The following PASD1 variants were observed in gnomAD, a reference collection of about 807,000 sequenced individuals.
PASD1 encodes circadian clock protein PASD1.
A neutral mutation model predicts 58.8 loss-of-function variants in PASD1; 13 were observed. The ratio of observed to expected loss-of-function variants is 0.22; its 90% CI spans 0.14 to 0.35. The LOEUF is 0.35. Ranked by LOEUF, PASD1 falls within the 10% of genes least tolerant of loss-of-function variation. The pLI, the probability that PASD1 is intolerant of heterozygous loss-of-function variation, is 1.00. For missense variants in PASD1, 734 were observed against 568.3 expected (o/e 1.29, Z -2.96); for synonymous variants, 236 against 216.7 (o/e 1.09, Z -0.78).
chrX:151,612,167 C>T (rs1011851796), intron 4 of PASD1, among the ~76,000 whole-genome samples: 1 of 82,452 alleles, frequency 1.2e-5, no homozygotes, highest in Non-Finnish European at 2.4e-5. Flanking sequence ...TTTATGGCTG[C>T]ATAGTATTCC....
chrX:151,656,741 G>A (rs1297190344), intron 9 of PASD1, among the ~76,000 whole-genome samples: 1 of 111,913 alleles, frequency 8.9e-6, no homozygotes, highest in Non-Finnish European at 1.9e-5. Flanking sequence ...TTGCTTATCA[G>A]CTTAAGGACA....
intron 1 of PASD1, among the ~76,000 whole-genome samples, chrX:151,594,433 G>T (rs1317051497): frequency 4.5e-5 from 5 of 110,478 alleles, no homozygotes; most frequent in Admixed American, 9.7e-5. Flanking sequence ...TCTCTTTTTT[G>T]ATTTATAATC....
Position 151,676,473 on chromosome X carries a change from T to C in PASD1, c.*330T>C, listed in dbSNP as rs2014547919. ...GGAAGGTGGCCTGCCAAGAGTCTGC[T>C]CAAAGTTTTCAACATAAAGAATAAA... On this transcript the variant is annotated 3_prime_UTR_variant, in exon 16 of 16. Transcript: ENST00000370357. The C allele has an allele frequency of 9.9e-6, 2 of 201,200 alleles. No homozygotes were observed. The highest frequency in any genetic ancestry group is 1.7e-4 in the East Asian group (2 of 11,977). The allele number at this position is 201,200 out of a possible 1,213,427, so 16.6% of individuals were successfully genotyped here. A position where few individuals can be genotyped will look rare whatever the true frequency, so the allele number is the denominator to read the frequency against.
intron 8 of PASD1, among the ~76,000 whole-genome samples, chrX:151,636,693 C>G (rs773620656): frequency 8.9e-6 from 1 of 111,946 alleles, no homozygotes; most frequent in Non-Finnish European, 1.9e-5. Context: ...CATGAGCCAC[C>G]GTGCCCAGCC....
At chrX:151,667,905 C>A (rs183866950) in intron 11 of PASD1, among the ~76,000 whole-genome samples, 2 of 111,491 alleles carry the variant, frequency 1.8e-5, no homozygotes, top group East Asian at 5.6e-4. Context: ...TAGTTTTTTC[C>A]GATTCTGTGA....
At chrX:151,570,127 G>A (rs1024743214) in intron 1 of PASD1, among the ~76,000 whole-genome samples, 2 of 111,323 alleles carry the variant, frequency 1.8e-5, no homozygotes, top group Non-Finnish European at 3.8e-5. Flanking sequence ...GGATTCAGGA[G>A]AACTGGGGGT....
At chrX:151,630,770 A>G (rs1408865854) in intron 8 of PASD1, among the ~76,000 whole-genome samples, 4 of 112,846 alleles carry the variant, frequency 3.5e-5, no homozygotes, top group Non-Finnish European at 5.6e-5. Context: ...GGAAACACAA[A>G]GGTGGGAATT....
intron 4 of PASD1, among the ~76,000 whole-genome samples, chrX:151,619,073 C>A (rs957387157): frequency 9.0e-6 from 1 of 110,897 alleles, no homozygotes; most frequent in African/African-American, 3.3e-5. Flanking sequence ...AGAATAGATG[C>A]AGGGAGAGCA....
intron 4 of PASD1, among the ~76,000 whole-genome samples, chrX:151,620,528 G>T (rs999032250): frequency 3.6e-5 from 4 of 110,647 alleles, no homozygotes; most frequent in African/African-American, 1.3e-4. Context: ...AAAAAGAGTA[G>T]GGGAGCAAAT....
At chrX:151,600,013 G>A (rs753046027) in intron 1 of PASD1, among the ~76,000 whole-genome samples, 5 of 112,317 alleles carry the variant, frequency 4.5e-5, no homozygotes, top group Admixed American at 9.3e-5. Context: ...TTGCAATCCC[G>A]GCACCTCGGG....
chrX:151,672,501 T>C lies in PASD1; in HGVS notation c.1756T>C (p.Cys586Arg). 8.3e-7 allele frequency: 1 copy of C among 1,211,803 alleles called. No homozygotes were observed. Among genetic ancestry groups the C allele is most frequent in the Non-Finnish European group, 1.1e-6 (1 of 895,571 alleles). ...VIVGNERVQI[C>R]LQNPRDVSVP... ...CGTGGGGAATGAGAGGGTGCAGATATGCCTGCAAAACCCACGTGACGTATC... is the reference window on the plus strand; with the variant it reads ...CGTGGGGAATGAGAGGGTGCAGATACGCCTGCAAAACCCACGTGACGTATC... Residue 586 changes from cysteine (C) to arginine (R), a missense_variant, in exon 14 of 16, where the codon TGC becomes CGC. Physicochemically the swap from Cys to Arg is radical, Grantham distance 180. Coordinates refer to ENST00000370357, the MANE Select transcript of PASD1 (RefSeq NM_173493.3).
At chrX:151,593,456 C>T (rs1184149174) in intron 1 of PASD1, among the ~76,000 whole-genome samples, 1 of 98,491 alleles carries the variant, frequency 1.0e-5, no homozygotes, top group Non-Finnish European at 2.0e-5. Flanking sequence ...CAAGTGTTCT[C>T]ATTGTTTGAT....
chrX:151,631,831 C>T (rs901118077), intron 8 of PASD1, among the ~76,000 whole-genome samples: 13 of 111,801 alleles, frequency 1.2e-4, no homozygotes, highest in African/African-American at 3.9e-4. Flanking sequence ...TATACTATAC[C>T]GTATTGACTC....
chrX:151,641,211 C>T (rs901993780), intron 8 of PASD1: 1 of 108,997 alleles, frequency 9.2e-6, no homozygotes, highest in Non-Finnish European at 1.9e-5. Flanking sequence ...ACTGGTGTAA[C>T]CAAAAAAAAA....
At chrX:151,653,766 C>CTT (rs1411188916) in intron 9 of PASD1, among the ~76,000 whole-genome samples, 1 of 3,396 alleles carries the variant, frequency 2.9e-4, no homozygotes, top group East Asian at 6.5e-3. Context: ...TTCTTTCTTT[C>CTT]TTTCTTTCTT....
intron 1 of PASD1, among the ~76,000 whole-genome samples, chrX:151,588,794 T>C (rs1450239673): frequency 1.8e-5 from 2 of 111,993 alleles, no homozygotes; most frequent in Non-Finnish European, 3.8e-5. Flanking sequence ...ATGATCATAC[T>C]TTTTGCACCA....
At chrX:151,580,342 C>T (rs930371839) in intron 1 of PASD1, among the ~76,000 whole-genome samples, 3 of 111,243 alleles carry the variant, frequency 2.7e-5, no homozygotes, top group African/African-American at 9.8e-5. Context: ...GAGGACTCTT[C>T]CGGAAAGATG....
At chrX:151,573,191 C>T (rs989998961) in intron 1 of PASD1, among the ~76,000 whole-genome samples, 2 of 108,810 alleles carry the variant, frequency 1.8e-5, no homozygotes, top group East Asian at 2.9e-4. Flanking sequence ...AAGACAGCAC[C>T]AAGCCATGAA....
At chrX:151,603,090 G>A (rs1159346770) in intron 2 of PASD1, among the ~76,000 whole-genome samples, 4 of 112,487 alleles carry the variant, frequency 3.6e-5, no homozygotes, top group South Asian at 3.7e-4. Flanking sequence ...GAAACTGTCT[G>A]TTCTGTTGTC....
Sources: gnomAD v4.1 joint callset for allele counts (sites outside exome capture counted in the v4.1 genomes callset) on GRCh38, gnomAD v4.1.1 for gene constraint, MANE v1.5 for transcripts, NCBI Gene and HGNC (gene_info 2026-07-23, HGNC 2026-07-21) for gene names.